Variants in FAM168A observed in about 807,000 individuals in gnomAD.
FAM168A encodes the protein protein FAM168A.
FAM168A carries 3 observed loss-of-function variants against 28.5 expected under a neutral mutation model. The observed-to-expected ratio is 0.11, with a 90% CI of 0.05 to 0.27. The LOEUF is 0.27. FAM168A is among the 10% of genes least tolerant of loss of function. FAM168A has a pLI of 1.00. For missense variants in FAM168A, 222 were observed against 311.5 expected, an observed-to-expected ratio of 0.71 and a Z score of 2.16; for synonymous variants, 122 against 124.2, an observed-to-expected ratio of 0.98 and a Z score of 0.12.
chr11:73,476,554 C>T (rs1214006548), intron 1 of FAM168A, among the ~76,000 whole-genome samples: 3 of 151,922 alleles, frequency 2.0e-5, no homozygotes, highest in South Asian at 4.2e-4. Flanking sequence ...TCATGAAACA[C>T]GCAAAGAAAC....
At chr11:73,505,653 G>A (rs763315446) in intron 1 of FAM168A, among the ~76,000 whole-genome samples, 1 of 152,158 alleles carries the variant, frequency 6.6e-6, no homozygotes, top group Non-Finnish European at 1.5e-5. Flanking sequence ...AAGTCTCACT[G>A]AGAAGGTGCT....
chr11:73,426,141 G>T (rs1284989470), intron 3 of FAM168A, among the ~76,000 whole-genome samples: 6 of 152,174 alleles, frequency 3.9e-5, no homozygotes, highest in African/African-American at 1.4e-4. Flanking sequence ...TCATGAGGAG[G>T]TTATTTTATT....
chr11:73,453,532 C>T (rs926755494), intron 2 of FAM168A, among the ~76,000 whole-genome samples: 9 of 152,192 alleles, frequency 5.9e-5, no homozygotes, highest in Admixed American at 2.0e-4. Context: ...ATGATCAATG[C>T]GGCTCTACCC....
At chr11:73,539,671 G>A (rs771863687) in intron 1 of FAM168A, among the ~76,000 whole-genome samples, 6 of 152,194 alleles carry the variant, frequency 3.9e-5, no homozygotes, top group African/African-American at 1.4e-4. Flanking sequence ...TCTAAGCCAG[G>A]AGCATCCTTT....
chr11:73,439,676 A>T (rs767160711), intron 2 of FAM168A, among the ~76,000 whole-genome samples: 52 of 152,200 alleles, frequency 3.4e-4, no homozygotes, highest in Non-Finnish European at 6.5e-4. Flanking sequence ...CAGATGGCCT[A>T]TTCTCTCAAT....
In FAM168A at chr11:73,417,849, G is replaced by A. The variant is rs561759430; in HGVS notation, c.277+2025C>T. On this transcript the variant is annotated intron_variant, in intron 4 of 7. Transcript: ENST00000356467. ...GCTGGGATTACAGGTGTGAGCCACC[G>A]CGCCTGGCCTGACATACCTCTCTTA... Among the ~76,000 whole-genome samples, 13 of 152,100 alleles carry A rather than the reference G, an allele frequency of 8.5e-5. No homozygotes were observed. In the Middle Eastern group the frequency reaches 0.01, roughly 119 times the overall value.
At chr11:73,518,777 G>C (rs1231419734) in intron 1 of FAM168A, among the ~76,000 whole-genome samples, 1 of 152,110 alleles carries the variant, frequency 6.6e-6, no homozygotes, top group Non-Finnish European at 1.5e-5. Context: ...CGCACCTGTA[G>C]TCCCAGATAC....
chr11:73,437,086 G>A (rs1867101446), intron 2 of FAM168A, among the ~76,000 whole-genome samples: 1 of 150,650 alleles, frequency 6.6e-6, no homozygotes, highest in Non-Finnish European at 1.5e-5. Context: ...TGGCAGCATA[G>A]CCTCTGCCAG....
intron 1 of FAM168A, among the ~76,000 whole-genome samples, chr11:73,472,844 A>G (rs1867833873): frequency 6.6e-6 from 1 of 152,214 alleles, no homozygotes; most frequent in South Asian, 2.1e-4. Context: ...TTTACTGGTG[A>G]GAACTATGAG....
intron 1 of FAM168A, among the ~76,000 whole-genome samples, chr11:73,563,308 C>T (rs933172650): frequency 5.9e-5 from 9 of 152,166 alleles, no homozygotes; most frequent in Non-Finnish European, 8.8e-5. Flanking sequence ...AGCAACTATC[C>T]TCTGAGGACA....
At chr11:73,416,899 T>C (rs1010090200) in intron 4 of FAM168A, among the ~76,000 whole-genome samples, 3 of 152,026 alleles carry the variant, frequency 2.0e-5, no homozygotes, top group African/African-American at 7.2e-5. Context: ...TGTGACGTGA[T>C]TGTGCCACTG....
At chr11:73,560,510 T>G (rs1943945831) in intron 1 of FAM168A, among the ~76,000 whole-genome samples, 1 of 152,162 alleles carries the variant, frequency 6.6e-6, no homozygotes, top group South Asian at 2.1e-4. Context: ...AAATAAAAAC[T>G]TAAATGCAGT....
At chr11:73,572,271 C>A (rs1391475533) in intron 1 of FAM168A, among the ~76,000 whole-genome samples, 1 of 151,968 alleles carries the variant, frequency 6.6e-6, no homozygotes, top group East Asian at 1.9e-4. Context: ...CAGCCCCCGC[C>A]CGGCCAGCCG....
At chr11:73,424,917 G>T in intron 3 of FAM168A, 1 of 956,446 alleles carries the variant, frequency 1.0e-6, no homozygotes, top group Non-Finnish European at 1.5e-6. Flanking sequence ...GGGAGCCCAA[G>T]CCTAGGGGAT....
chr11:73,582,269 C>T (rs1024856549), intron 1 of FAM168A, among the ~76,000 whole-genome samples: 60 of 151,006 alleles, frequency 4.0e-4, no homozygotes, highest in African/African-American at 1.4e-3. Context: ...TGCCTGTAAT[C>T]CCAGCACTTT....
intron 1 of FAM168A, among the ~76,000 whole-genome samples, chr11:73,480,340 AACAAAATT>A (rs1867950240): frequency 1.3e-5 from 2 of 152,268 alleles, no homozygotes; most frequent in African/African-American, 4.8e-5. Flanking sequence ...TCAAAACCAC[AACAAAATT>A]ATCTCTACAG....
rs1046202083 is a variant in FAM168A, at chr11:73,538,649, G to A, written c.-19+59274C>T. ...TCTGAACTGCCCTTGCTGGTAACAG[G>A]AAATTGGGTTTGAGAAGCAGATGGC... On this transcript the variant is annotated intron_variant, in intron 1 of 7. Transcript: ENST00000356467. 2.0e-5 allele frequency among the ~76,000 whole-genome samples: 3 copies of A among 152,202 alleles called. No individual in the cohort carries two copies. The South Asian group carries it at 6.2e-4, about 32-fold the overall frequency.
At chr11:73,575,426 T>C (rs17132131) in intron 1 of FAM168A, among the ~76,000 whole-genome samples, 4,528 of 152,334 alleles carry the variant, frequency 0.03, 224 homozygotes, top group African/African-American at 0.1. Context: ...CAGAATGTCT[T>C]ACCCTGTAAT....
intron 1 of FAM168A, among the ~76,000 whole-genome samples, chr11:73,541,489 C>T (rs1354213529): frequency 6.6e-6 from 1 of 151,776 alleles, no homozygotes. Context: ...TCTCCTGCCT[C>T]AGCCTCCCGA....
Sources: allele counts gnomAD v4.1 joint callset (sites outside exome capture counted in the v4.1 genomes callset), GRCh38; gene constraint gnomAD v4.1.1; transcripts MANE v1.5; gene names NCBI Gene and HGNC (gene_info 2026-07-23, HGNC 2026-07-21).